NDUFAF2: variants seen among roughly 807,000 people sequenced by gnomAD.
NDUFAF2 encodes NADH dehydrogenase [ubiquinone] 1 alpha subcomplex assembly factor 2.
Under a neutral mutation model 22.8 loss-of-function variants are expected in NDUFAF2, and 13 were observed. The ratio of observed to expected loss-of-function variants is 0.57; its 90% CI spans 0.37 to 0.91. NDUFAF2 has a LOEUF of 0.91. Among genes scored for constraint, NDUFAF2 ranks in the 40% least tolerant of loss-of-function variants. NDUFAF2 has a pLI of 0.01. For synonymous variants in NDUFAF2, 53 were observed against 64.2 expected, an observed-to-expected ratio of 0.83 and a Z score of 0.84; for missense variants, 162 against 195.2, an observed-to-expected ratio of 0.83 and a Z score of 1.01.
chr5:61,114,518 C>T (rs578141607), intron 3 of NDUFAF2: 1 of 152,174 alleles, frequency 6.6e-6, no homozygotes, highest in Admixed American at 6.5e-5. Context: ...CTCTGTCTCT[C>T]TAGGATTCTT....
chr5:61,078,644 G>A (rs1410745405), intron 2 of NDUFAF2, among the ~76,000 whole-genome samples: 1 of 152,112 alleles, frequency 6.6e-6, no homozygotes, highest in Non-Finnish European at 1.5e-5. Flanking sequence ...AGGGGGCTGA[G>A]GTGGAAGGAT....
At chr5:60,961,362 A>G (rs1015601924) in intron 1 of NDUFAF2, among the ~76,000 whole-genome samples, 15 of 151,992 alleles carry the variant, frequency 9.9e-5, no homozygotes, top group African/African-American at 3.4e-4. Context: ...TTGGGAGGCC[A>G]AGGCGGGTGG....
intron 3 of NDUFAF2, among the ~76,000 whole-genome samples, chr5:61,128,047 A>G (rs1452521930): frequency 6.6e-6 from 1 of 152,214 alleles, no homozygotes; most frequent in African/African-American, 2.4e-5. Flanking sequence ...CCCATTCGCA[A>G]TTGCTTCAAA....
At chr5:60,960,735 T>A (rs995421941) in intron 1 of NDUFAF2, among the ~76,000 whole-genome samples, 2 of 152,326 alleles carry the variant, frequency 1.3e-5, no homozygotes, top group African/African-American at 2.4e-5. Flanking sequence ...TGATTTTTTT[T>A]AAAATTAGGT....
intron 1 of NDUFAF2, among the ~76,000 whole-genome samples, chr5:61,059,648 G>A (rs189502021): frequency 1.8e-4 from 28 of 152,152 alleles, no homozygotes; most frequent in East Asian, 5.8e-4. Context: ...TGGATTTTCT[G>A]TGATAGAACA....
In NDUFAF2 at chr5:61,035,489, A is replaced by C. The variant is rs568952864; in HGVS notation, c.128-37636A>C. On this transcript the variant is annotated intron_variant, in intron 1 of 3. Transcript: ENST00000296597. ...TTTAAAACAATATTTAAAAAACAAA[A>C]CCAAGATGGTATTAAACATAAAGGA... is the stretch of plus-strand genomic sequence containing the variant. 1.6e-3 allele frequency among the ~76,000 whole-genome samples: 234 copies of C among 148,524 alleles called. 1 individual carries two copies. The highest frequency in any genetic ancestry group is 3.5e-3 in the Middle Eastern group (1 of 284).
At chr5:61,135,619 G>A (rs911196385) in intron 3 of NDUFAF2, among the ~76,000 whole-genome samples, 1 of 152,080 alleles carries the variant, frequency 6.6e-6, no homozygotes, top group Non-Finnish European at 1.5e-5. Context: ...TGAATCACAA[G>A]GTAGAGCCCA....
At chr5:61,148,931 A>G (rs1023548242) in intron 3 of NDUFAF2, among the ~76,000 whole-genome samples, 10 of 152,204 alleles carry the variant, frequency 6.6e-5, no homozygotes, top group African/African-American at 1.9e-4. Context: ...AGGTTACTTA[A>G]GGGGAACAAA....
chr5:61,038,066 G>A (rs28446443), intron 1 of NDUFAF2, among the ~76,000 whole-genome samples: 14 of 126,916 alleles, frequency 1.1e-4, no homozygotes, highest in African/African-American at 4.2e-4. Context: ...GAGACGGGGG[G>A]TGGGAGGGAG....
At chr5:60,967,486 G>A (rs971759879) in intron 1 of NDUFAF2, among the ~76,000 whole-genome samples, 3 of 151,786 alleles carry the variant, frequency 2.0e-5, no homozygotes, top group Non-Finnish European at 2.9e-5. Context: ...ATCATATATG[G>A]CCTTTATTGC....
chr5:61,052,687 G>A (rs1752040186), intron 1 of NDUFAF2, among the ~76,000 whole-genome samples: 2 of 152,286 alleles, frequency 1.3e-5, no homozygotes, highest in South Asian at 2.1e-4. Flanking sequence ...AGACACTAAT[G>A]TAATGAACAA....
At chr5:60,969,221 A>G (rs1391313948) in intron 1 of NDUFAF2, among the ~76,000 whole-genome samples, 1 of 152,028 alleles carries the variant, frequency 6.6e-6, no homozygotes, top group African/African-American at 2.4e-5. Context: ...TCTTTTGGGT[A>G]TGTACCTGGT....
intron 1 of NDUFAF2, among the ~76,000 whole-genome samples, chr5:61,052,561 C>G (rs530447053): frequency 1.3e-5 from 2 of 152,160 alleles, no homozygotes; most frequent in Admixed American, 1.3e-4. Context: ...CCGCCCGCCT[C>G]GGCCTCCCAA....
intron 1 of NDUFAF2, among the ~76,000 whole-genome samples, chr5:61,036,255 T>G (rs1415984163): frequency 6.6e-6 from 1 of 152,208 alleles, no homozygotes; most frequent in Non-Finnish European, 1.5e-5. Flanking sequence ...GAGTGCTGCT[T>G]CTATCATAGA....
chr5:61,113,572 T>G (rs1752872284), intron 3 of NDUFAF2, among the ~76,000 whole-genome samples: 1 of 152,120 alleles, frequency 6.6e-6, no homozygotes. Flanking sequence ...CTCATGATAG[T>G]AAGTGAGTTC....
chr5:61,011,955 T>C (rs1464618524), intron 1 of NDUFAF2, among the ~76,000 whole-genome samples: 1 of 152,172 alleles, frequency 6.6e-6, no homozygotes, highest in African/African-American at 2.4e-5. Context: ...GCTCCATTAA[T>C]CTACTCATAC....
chr5:60,955,246 C>T (rs1580066040), intron 1 of NDUFAF2, among the ~76,000 whole-genome samples: 2 of 152,230 alleles, frequency 1.3e-5, no homozygotes, highest in African/African-American at 4.8e-5. Context: ...TTTTTATATA[C>T]AGTGTGAGAT....
intron 1 of NDUFAF2, among the ~76,000 whole-genome samples, chr5:60,996,506 G>T (rs953014573): frequency 1.3e-5 from 2 of 152,054 alleles, no homozygotes; most frequent in Non-Finnish European, 2.9e-5. Flanking sequence ...TGTAGCATGG[G>T]GTTAGGAGAG....
intron 1 of NDUFAF2, among the ~76,000 whole-genome samples, chr5:60,954,903 G>A (rs1280635640): frequency 1.3e-5 from 2 of 152,058 alleles, no homozygotes; most frequent in Non-Finnish European, 1.5e-5. Context: ...ATGCCTGTTA[G>A]TTCCTTTGCC....
Sources: allele counts gnomAD v4.1 joint callset (sites outside exome capture counted in the v4.1 genomes callset), GRCh38; gene constraint gnomAD v4.1.1; transcripts MANE v1.5; gene names NCBI Gene and HGNC (gene_info 2026-07-23, HGNC 2026-07-21).